ZSCAN25: variants seen among roughly 807,000 people sequenced by gnomAD.
The protein encoded by ZSCAN25 is zinc finger and SCAN domain-containing protein 25.
A neutral mutation model predicts 38.7 loss-of-function variants in ZSCAN25; 27 were observed. That is an observed-to-expected ratio of 0.70 (90% CI 0.51 to 0.96). The LOEUF is 0.96. ZSCAN25 is among the 40% of genes least tolerant of loss of function. ZSCAN25 has a pLI of 0.00. For synonymous variants in ZSCAN25, 273 were observed against 277.7 expected (o/e 0.98, Z 0.17); for missense variants, 637 against 705.9 (o/e 0.90, Z 1.11).
the ZSCAN25 span, chr7:99,711,026 G>A: frequency 3.4e-6 from 5 of 1,460,792 alleles, no homozygotes; most frequent in Non-Finnish European, 3.7e-6. Context: ...GTCTCACTGG[G>A]GGTGGTTTCA....
chr7:99,631,416 T>A lies in ZSCAN25; in HGVS notation c.*1396T>A. 1 of 985,474 alleles carries A rather than the reference T, an allele frequency of 1.0e-6. No individual in the cohort carries two copies. The highest frequency in any genetic ancestry group is 1.2e-6 in the Non-Finnish European group (1 of 829,932). 61.0% of individuals were successfully genotyped at this position (985,474 alleles called of 1,614,324 possible). A position where few individuals can be genotyped will look rare whatever the true frequency, so the allele number is the denominator to read the frequency against. ...ATATTTGTAAACTGTTGAAGCTTCCTTATTGTGCCATCACTTAAGGGTTTC... is the reference window on the plus strand; with the variant it reads ...ATATTTGTAAACTGTTGAAGCTTCCATATTGTGCCATCACTTAAGGGTTTC... On this transcript the variant is annotated 3_prime_UTR_variant, in exon 8 of 8. Transcript: ENST00000394152.
chr7:99,638,912 T>A, the ZSCAN25 span: 1 of 533,386 alleles, frequency 1.9e-6, no homozygotes, highest in Non-Finnish European at 3.4e-6. Context: ...GGCCCAGGCC[T>A]GTCGCTCACT....
chr7:99,685,102 G>T, the ZSCAN25 span: 1 of 1,452,018 alleles, frequency 6.9e-7, no homozygotes, highest in Admixed American at 1.7e-5. Flanking sequence ...CTAGGTCACA[G>T]CTTTTTTGAA....
chr7:99,643,983 C>G, the ZSCAN25 span, among the ~76,000 whole-genome samples: 1 of 151,986 alleles, frequency 6.6e-6, no homozygotes, highest in South Asian at 2.1e-4. Flanking sequence ...TCCTGGGGCT[C>G]TGACAAGCAC....
the ZSCAN25 span, chr7:99,664,172 A>T: frequency 8.5e-7 from 1 of 1,172,072 alleles, no homozygotes; most frequent in Non-Finnish European, 1.2e-6. Context: ...AATTTTCTCT[A>T]CCAGTAATAA....
At chr7:99,685,961 A>G in the ZSCAN25 span, among the ~76,000 whole-genome samples, 1 of 152,196 alleles carries the variant, frequency 6.6e-6, no homozygotes, top group Non-Finnish European at 1.5e-5. Context: ...TGTGCTCATA[A>G]ATGCATGGCA....
the ZSCAN25 span, among the ~76,000 whole-genome samples, chr7:99,658,506 C>G: frequency 6.6e-6 from 1 of 151,950 alleles, no homozygotes. Flanking sequence ...TCTCTGGCTG[C>G]CCTTAACATT....
chr7:99,668,831 G>A, the ZSCAN25 span, among the ~76,000 whole-genome samples: 3 of 152,324 alleles, frequency 2.0e-5, no homozygotes, highest in Admixed American at 1.3e-4. Flanking sequence ...GACTTCCAGT[G>A]TGTTATCTTC....
chr7:99,671,765 T>C, the ZSCAN25 span: 1 of 701,290 alleles, frequency 1.4e-6, no homozygotes, highest in Non-Finnish European at 2.6e-6. Context: ...TGCTCTGATA[T>C]AGAACCTGTC....
chr7:99,664,014 T>G, the ZSCAN25 span: 1 of 1,599,286 alleles, frequency 6.3e-7, no homozygotes, highest in Non-Finnish European at 8.5e-7. Flanking sequence ...GTTTACAGAT[T>G]TACTTAAAAA....
the ZSCAN25 span, among the ~76,000 whole-genome samples, chr7:99,684,308 T>C: frequency 9.9e-3 from 1,498 of 151,770 alleles, 16 homozygotes; most frequent in Non-Finnish European, 0.014. Flanking sequence ...GCTGAGATTA[T>C]AGGTGCATAC....
chr7:99,645,279 A>G, the ZSCAN25 span, among the ~76,000 whole-genome samples: 1 of 152,112 alleles, frequency 6.6e-6, no homozygotes, highest in Non-Finnish European at 1.5e-5. Flanking sequence ...GTGAGCCACT[A>G]TGCTCAGCTG....
the ZSCAN25 span, chr7:99,652,745 T>TC: frequency 6.2e-7 from 1 of 1,614,008 alleles, no homozygotes; most frequent in Non-Finnish European, 8.5e-7. Context: ...GTCAAGGTAC[T>TC]CCATCTGTAC....
chr7:99,719,376 G>T, the ZSCAN25 span, among the ~76,000 whole-genome samples: 3 of 152,090 alleles, frequency 2.0e-5, no homozygotes, highest in Non-Finnish European at 4.4e-5. Flanking sequence ...TTAACAATAT[G>T]CCCACATTTC....
the ZSCAN25 span, among the ~76,000 whole-genome samples, chr7:99,664,609 A>G: frequency 6.6e-6 from 1 of 152,224 alleles, no homozygotes; most frequent in African/African-American, 2.4e-5. Context: ...CAAAAGGGCA[A>G]CAAGAAATTG....
chr7:99,684,672 C>T, the ZSCAN25 span, among the ~76,000 whole-genome samples: 1 of 151,952 alleles, frequency 6.6e-6, no homozygotes, highest in African/African-American at 2.4e-5. Context: ...GGAAAGTATC[C>T]GATGATACTT....
At chr7:99,709,205 A>G in the ZSCAN25 span, 6 of 1,613,844 alleles carry the variant, frequency 3.7e-6, no homozygotes, top group Non-Finnish European at 5.1e-6. Flanking sequence ...TGAGTGTTTC[A>G]TTCACCACCA....
the ZSCAN25 span, among the ~76,000 whole-genome samples, chr7:99,658,429 T>C: frequency 6.6e-6 from 1 of 152,214 alleles, no homozygotes. Flanking sequence ...TACTGGCTTG[T>C]AGAGTTTCTG....
the ZSCAN25 span, among the ~76,000 whole-genome samples, chr7:99,681,934 G>A: frequency 2.6e-5 from 4 of 152,076 alleles, no homozygotes; most frequent in African/African-American, 4.8e-5. Flanking sequence ...CAGTTTCATC[G>A]TTTGAGGTCT....
Sources: allele counts gnomAD v4.1 joint callset (sites outside exome capture counted in the v4.1 genomes callset), GRCh38; gene constraint gnomAD v4.1.1; transcripts MANE v1.5; gene names NCBI Gene and HGNC (gene_info 2026-07-23, HGNC 2026-07-21).